Variants in TOPAZ1 observed in about 807,000 individuals in gnomAD.
The protein encoded by TOPAZ1 is testis and ovary specific TOPAZ 1, also known as protein TOPAZ1.
Under a neutral mutation model 172.2 loss-of-function variants are expected in TOPAZ1, and 66 were observed. The observed-to-expected ratio is 0.38, with a 90% CI of 0.31 to 0.47. The LOEUF is 0.47. Among genes scored for constraint, TOPAZ1 ranks in the 20% least tolerant of loss-of-function variants. The probability of loss-of-function intolerance (pLI) is 0.99; values close to 1 mark genes in which losing one functional copy is unlikely to be tolerated. For missense variants in TOPAZ1, 1,822 were observed against 1,972.4 expected (o/e 0.92, Z 1.44); for synonymous variants, 681 against 683.9 (o/e 1.00, Z 0.07).
At chr3:44,273,572 T>TA (rs1415942422) in intron 8 of TOPAZ1, among the ~76,000 whole-genome samples, 2 of 152,232 alleles carry the variant, frequency 1.3e-5, no homozygotes, top group African/African-American at 4.8e-5. Flanking sequence ...TTCATCAACT[T>TA]ACAATCACTT....
intron 9 of TOPAZ1, among the ~76,000 whole-genome samples, chr3:44,284,832 A>G (rs9859565): frequency 1.3e-5 from 2 of 151,940 alleles, no homozygotes; most frequent in Non-Finnish European, 2.9e-5. Context: ...TTTTAGAAAG[A>G]TGACAATTTC....
chr3:44,243,332 A>C lies in TOPAZ1; in HGVS notation c.826A>C (p.Ser276Arg). Residue 276 changes from serine (S) to arginine (R), a missense_variant, in exon 2 of 20, where the codon AGT (serine) becomes CGT (arginine). By Grantham distance (110) the Ser-to-Arg change is moderately radical. Coordinates refer to ENST00000309765, the MANE Select transcript of TOPAZ1 (RefSeq NM_001145030.2). ...TCTTGCAGAGAAGAGTGACACAAATAGTATTCCTCAGCTCTTACAAACAGA... is the reference window on the plus strand; with the variant it reads ...TCTTGCAGAGAAGAGTGACACAAATCGTATTCCTCAGCTCTTACAAACAGA... ...RSLAEKSDTNSIPQLLQTEEN... is the reference protein window; with the variant it reads ...RSLAEKSDTNRIPQLLQTEEN... 6.4e-7 allele frequency: 1 copy of C among 1,551,392 alleles called. No individual in the cohort carries two copies.
At chr3:44,292,695 A>G (rs1020519632) in intron 12 of TOPAZ1, among the ~76,000 whole-genome samples, 2 of 152,340 alleles carry the variant, frequency 1.3e-5, no homozygotes, top group South Asian at 2.1e-4. Context: ...TACAGAGTAC[A>G]TGAGTTTTAA....
chr3:44,247,683 C>T (rs1356105760), intron 2 of TOPAZ1, among the ~76,000 whole-genome samples: 1 of 152,158 alleles, frequency 6.6e-6, no homozygotes, highest in African/African-American at 2.4e-5. Context: ...GGGAGTCTTG[C>T]TCTGTCACCC....
At position 44,306,401 on chromosome 3, in the gene TOPAZ1, A is replaced by G. The variant is rs559014406; in HGVS notation, c.4115A>G (p.Tyr1372Cys). 3.9e-6 allele frequency: 6 copies of G among 1,544,048 alleles called. No homozygotes were observed. The highest frequency in any genetic ancestry group is 1.2e-5 in the South Asian group (1 of 83,052). The change falls in exon 15 of 20, where the codon TAT becomes TGT. Residue 1372 changes from tyrosine (Y) to cysteine (C), a missense_variant. Tyr to Cys is a radical substitution (Grantham distance 194, BLOSUM62 -2). Around this residue, in one of 2 missense-constraint regions of TOPAZ1, gnomAD observed 333 missense variants for 481.7 expected, o/e 0.69. Coordinates refer to ENST00000309765, the MANE Select transcript of TOPAZ1 (RefSeq NM_001145030.2). ...GRIGISAMYF[Y>C]HKLLQWSKGR... ...ATTGGAATCAGTGCTATGTACTTCT[A>G]TCACAAGCTGTTGCAGTGGTCCAAG...
intron 15 of TOPAZ1, 122 bp downstream of exon 15, chr3:44,306,548 G>A: frequency 1.8e-6 from 1 of 547,228 alleles, no homozygotes; most frequent in South Asian, 3.4e-5. Flanking sequence ...TTGATAAAGT[G>A]GGACCCAGAC....
intron 1 of TOPAZ1, 84 bp from the exon 2 acceptor site, chr3:44,242,769 C>T: frequency 1.8e-6 from 2 of 1,085,214 alleles, no homozygotes; most frequent in South Asian, 3.8e-5. Context: ...AAAATGATAG[C>T]CTCACAATTT....
chr3:44,286,964 T>C (rs999502489), intron 9 of TOPAZ1, among the ~76,000 whole-genome samples: 2 of 152,204 alleles, frequency 1.3e-5, no homozygotes, highest in African/African-American at 4.8e-5. Flanking sequence ...TTAAAAATAA[T>C]GTCAACATGT....
rs1376367595 is a variant in TOPAZ1 at position 44,309,915 on chromosome 3, T to C, written c.4231T>C (p.Cys1411Arg). Residue 1411 changes from cysteine to arginine, a missense_variant, in exon 16 of 20, where the codon TGT (cysteine) becomes CGT (arginine). Cys to Arg is a radical substitution (Grantham distance 180). This residue lies in a region of TOPAZ1 where 333 missense variants were observed against 481.7 expected (regional missense o/e 0.69). Coordinates refer to ENST00000309765, the MANE Select transcript of TOPAZ1 (RefSeq NM_001145030.2). ...LIGPEKLASR[C>R]QIVNVAAEIF... ...AGGGCCTGAGAAGTTAGCATCAAGATGTCAAATTGTGAATGTTGCAGCAGA... is the reference window on the plus strand; with the variant it reads ...AGGGCCTGAGAAGTTAGCATCAAGACGTCAAATTGTGAATGTTGCAGCAGA... The C allele has an allele frequency of 6.4e-7, 1 of 1,551,594 alleles. No homozygotes were observed. Among genetic ancestry groups the C allele is most frequent in the Admixed American group, 2.0e-5 (1 of 51,008 alleles).
intron 2 of TOPAZ1, among the ~76,000 whole-genome samples, chr3:44,250,533 A>G (rs914734220): frequency 6.6e-6 from 1 of 152,156 alleles, no homozygotes; most frequent in African/African-American, 2.4e-5. Context: ...CTCTATTTTT[A>G]TACTTAAATC....
At chr3:44,257,713 C>T (rs7631790) in intron 4 of TOPAZ1, among the ~76,000 whole-genome samples, 69,837 of 151,366 alleles carry the variant, frequency 0.46, 17,323 homozygotes, top group East Asian at 0.81. Context: ...GTTGCCTTTA[C>T]CTAGTTTTCC....
intron 7 of TOPAZ1, among the ~76,000 whole-genome samples, chr3:44,270,421 A>G (rs1699883336): frequency 6.6e-6 from 1 of 152,222 alleles, no homozygotes; most frequent in Non-Finnish European, 1.5e-5. Context: ...AAAAAATGAG[A>G]CATAAAAGAG....
intron 5 of TOPAZ1, among the ~76,000 whole-genome samples, chr3:44,262,957 C>G (rs759318416): frequency 6.6e-5 from 10 of 152,142 alleles, no homozygotes; most frequent in Non-Finnish European, 1.5e-4. Context: ...AAGGCTCACC[C>G]AGGACAGGTG....
In TOPAZ1 at chr3:44,255,424, AG is replaced by A. The variant is rs1197744323; in HGVS notation, c.2827+397del. ...TCCCAGCACTTTGGGAGTCCGCGGC[AG>A]GTGGATCACGAGGTCAGGAGATCGA... On this transcript the variant is annotated intron_variant, in intron 3 of 19. Transcript: ENST00000309765. 2.6e-5 allele frequency among the ~76,000 whole-genome samples: 4 copies of A among 152,102 alleles called. No individual in the cohort carries two copies. In the East Asian group the frequency reaches 7.7e-4, roughly 29 times the overall value.
chr3:44,320,759 T>A (rs931462845), intron 16 of TOPAZ1, among the ~76,000 whole-genome samples: 1 of 152,150 alleles, frequency 6.6e-6, no homozygotes, highest in Non-Finnish European at 1.5e-5. Flanking sequence ...AATAAACATT[T>A]AAAATTAGTA....
chr3:44,322,360 A>G (rs1418482103), intron 17 of TOPAZ1, among the ~76,000 whole-genome samples: 2 of 152,216 alleles, frequency 1.3e-5, no homozygotes, highest in African/African-American at 2.4e-5. Flanking sequence ...AGGGATATAT[A>G]AGGCTAAGGT....
intron 12 of TOPAZ1, among the ~76,000 whole-genome samples, chr3:44,297,665 C>A (rs1247868718): frequency 2.0e-5 from 3 of 151,856 alleles, no homozygotes; most frequent in Non-Finnish European, 4.4e-5. Context: ...AAATAGCTAG[C>A]ATACAGATTG....
intron 11 of TOPAZ1, 66 bp downstream of exon 11, chr3:44,287,905 G>C (rs1221299539): frequency 5.3e-6 from 4 of 751,196 alleles, no homozygotes; most frequent in African/African-American, 3.7e-5. Flanking sequence ...GTTTCCATGG[G>C]GGGGTACCCT....
intron 8 of TOPAZ1, among the ~76,000 whole-genome samples, chr3:44,274,975 A>G (rs189100473): frequency 1.3e-5 from 2 of 151,850 alleles, no homozygotes; most frequent in Admixed American, 6.6e-5. Context: ...ATTTTGTTAC[A>G]TCTATGTGTG....
Sources: allele counts gnomAD v4.1 joint callset (sites outside exome capture counted in the v4.1 genomes callset), GRCh38; gene constraint gnomAD v4.1.1; regional missense constraint gnomAD v4.1.1; transcripts MANE v1.5; gene names NCBI Gene and HGNC (gene_info 2026-07-23, HGNC 2026-07-21).